The following ANLN variants were observed in gnomAD, a reference collection of about 807,000 sequenced individuals.
ANLN encodes the protein anillin.
In ANLN, 59 loss-of-function variants were observed where a neutral mutation model predicts 135.1. The observed-to-expected ratio is 0.44, with a 90% CI of 0.35 to 0.54. The LOEUF is 0.54. Ranked by LOEUF, ANLN falls within the 20% of genes least tolerant of loss-of-function variation. The probability of loss-of-function intolerance (pLI) is 0.00; values close to 1 mark genes in which losing one functional copy is unlikely to be tolerated. For synonymous variants in ANLN, 406 were observed against 456.4 expected (o/e 0.89, Z 1.41); for missense variants, 1,182 against 1,340.0 (o/e 0.88, Z 1.84).
chr7:36,435,592 GGCCGGGCGCGGTGGCTCAC>G (rs1279775767), intron 20 of ANLN, among the ~76,000 whole-genome samples: 2 of 152,040 alleles, frequency 1.3e-5, no homozygotes, highest in Non-Finnish European at 2.9e-5. Context: ...ATTTATCCAT[GGCCGGGCGCGGTGGCTCAC>G]GCCTGTAATC....
intron 21 of ANLN, among the ~76,000 whole-genome samples, chr7:36,442,842 G>T (rs1363171250): frequency 6.6e-6 from 1 of 151,938 alleles, no homozygotes; most frequent in Non-Finnish European, 1.5e-5. Context: ...GTGTTAGCCA[G>T]GACGGTCTCG....
chr7:36,418,967 G>A (rs2116649328), intron 9 of ANLN, among the ~76,000 whole-genome samples: 1 of 152,146 alleles, frequency 6.6e-6, no homozygotes, highest in African/African-American at 2.4e-5. Context: ...ATGTTGGCCA[G>A]ACTTGTCTTG....
Position 36,431,548 on chromosome 7 carries a change from TA to T in ANLN, c.2883+4521del, listed in dbSNP as rs1293694541. 1.5e-3 allele frequency among the ~76,000 whole-genome samples: 191 copies of T among 128,450 alleles called. 1 individual carries two copies. The highest frequency in any genetic ancestry group is 5.4e-3 in the African/African-American group (178 of 33,008). 84.3% of individuals were successfully genotyped at this position (128,450 alleles called of 152,430 possible). A position where few individuals can be genotyped will look rare whatever the true frequency, so the allele number is the denominator to read the frequency against. ...TATCTATCATATATATATGTGTGTA[TA>T]TATGTGTGTGTTTGTGTGTGTGTGT... is the stretch of plus-strand genomic sequence containing the variant. On this transcript the variant is annotated intron_variant, in intron 20 of 23. Transcript: ENST00000265748.
chr7:36,390,250 A>C (rs1045376209), intron 1 of ANLN: 99 of 755,706 alleles, frequency 1.3e-4, no homozygotes, highest in Non-Finnish European at 1.9e-4. Flanking sequence ...GGTCCTACAG[A>C]TAAAACTCAG....
intron 1 of ANLN, among the ~76,000 whole-genome samples, chr7:36,393,681 G>T (rs1481313659): frequency 2.0e-5 from 3 of 152,170 alleles, no homozygotes; most frequent in Non-Finnish European, 2.9e-5. Flanking sequence ...CTGTAAACTG[G>T]CCAGAATCAG....
intron 20 of ANLN, among the ~76,000 whole-genome samples, 194 bp from the exon 21 acceptor site, chr7:36,439,010 A>C (rs1788658836): frequency 6.6e-6 from 1 of 152,228 alleles, no homozygotes; most frequent in South Asian, 2.1e-4. Flanking sequence ...GCTTTACCTT[A>C]AATGAATTTA....
chr7:36,396,725 A>G (rs1026923507), intron 2 of ANLN, among the ~76,000 whole-genome samples: 4 of 152,222 alleles, frequency 2.6e-5, no homozygotes, highest in African/African-American at 9.6e-5. Flanking sequence ...TAACATTTAT[A>G]CTTACAGTAG....
At chr7:36,412,474 A>G (rs937665240) in intron 7 of ANLN, among the ~76,000 whole-genome samples, 1 of 151,488 alleles carries the variant, frequency 6.6e-6, no homozygotes, top group Non-Finnish European at 1.5e-5. Flanking sequence ...GATTACAGGC[A>G]TGCGCCACCA....
chr7:36,418,076 C>A (rs752132577), intron 9 of ANLN, among the ~76,000 whole-genome samples: 1 of 152,116 alleles, frequency 6.6e-6, no homozygotes, highest in Non-Finnish European at 1.5e-5. Context: ...GAAATACTTA[C>A]GTTTACTGCT....
Position 36,415,787 on chromosome 7 carries a change from A to G in ANLN, c.1425A>G (p.Lys475=). 1.2e-6 allele frequency: 2 copies of G among 1,605,316 alleles called. No homozygotes were observed. Among genetic ancestry groups the G allele is most frequent in the Admixed American group, 1.7e-5 (1 of 57,828 alleles). The change falls in exon 8 of 24, where the codon AAA becomes AAG. Residue 475 remains lysine, a synonymous_variant. Coordinates refer to ENST00000265748, the MANE Select transcript of ANLN (RefSeq NM_018685.5). ...CTCACTGTCAGAGCACTCCCCTCAA[A>G]AAACACCAAGGTGTTTCAAAAACTC... ...QETHCQSTPL[K]KHQGVSKTQS...
chr7:36,399,776 T>A (rs555656923), intron 3 of ANLN, among the ~76,000 whole-genome samples: 1 of 152,196 alleles, frequency 6.6e-6, no homozygotes, highest in South Asian at 2.1e-4. Flanking sequence ...TATGCAATGC[T>A]GTTCAGTAGG....
At chr7:36,424,665 A>T in intron 16 of ANLN, 21 bp from the exon 17 acceptor site, 1 of 1,607,666 alleles carries the variant, frequency 6.2e-7, no homozygotes, top group Non-Finnish European at 8.5e-7. Flanking sequence ...TAAATTAATT[A>T]TGCTTTGGGT....
intron 7 of ANLN, among the ~76,000 whole-genome samples, chr7:36,411,568 T>A (rs73106326): frequency 0.039 from 5,868 of 152,214 alleles, 146 homozygotes; most frequent in African/African-American, 0.061. Context: ...ACCACATACC[T>A]CCCACATTGC....
chr7:36,393,663 A>G (rs1197131583), intron 1 of ANLN, among the ~76,000 whole-genome samples: 1 of 152,200 alleles, frequency 6.6e-6, no homozygotes, highest in Non-Finnish European at 1.5e-5. Context: ...CATTCAAGTG[A>G]GCAGCCTCTG....
intron 4 of ANLN, 64 bp from the exon 5 acceptor site, chr7:36,407,670 T>C: frequency 8.1e-7 from 1 of 1,241,310 alleles, no homozygotes; most frequent in Non-Finnish European, 1.2e-6. Context: ...CTTGAATTGT[T>C]TTGTTATAGG....
intron 18 of ANLN, 103 bp from the exon 19 acceptor site, chr7:36,425,912 T>C (rs2116692238): frequency 8.4e-7 from 1 of 1,184,548 alleles, no homozygotes; most frequent in Non-Finnish European, 1.2e-6. Context: ...TGAAATGTAT[T>C]TCTTATTGTG....
rs1562785202 is a variant in ANLN at position 36,399,072 on chromosome 7, A to C, written c.173-7A>C. 6.3e-7 allele frequency: 1 copy of C among 1,579,010 alleles called. No homozygotes were observed. The highest frequency in any genetic ancestry group is 8.6e-7 in the Non-Finnish European group (1 of 1,162,638). On this transcript the variant is annotated splice_region_variant and splice_polypyrimidine_tract_variant and intron_variant, in intron 2 of 23. Coordinates refer to ENST00000265748, the MANE Select transcript of ANLN (RefSeq NM_018685.5). ...TTGAATGTCTTTTTTCATCGTTTTTAATGTAGAGAAATCTTGTACAAAACC... is the reference window on the plus strand; with the variant it reads ...TTGAATGTCTTTTTTCATCGTTTTTCATGTAGAGAAATCTTGTACAAAACC...
At chr7:36,429,205 T>A (rs949387742) in intron 20 of ANLN, among the ~76,000 whole-genome samples, 1 of 152,016 alleles carries the variant, frequency 6.6e-6, no homozygotes, top group African/African-American at 2.4e-5. Context: ...AATAATATAT[T>A]TTGGAAGACT....
At chr7:36,404,190 G>A (rs191787376) in intron 3 of ANLN, among the ~76,000 whole-genome samples, 3 of 151,858 alleles carry the variant, frequency 2.0e-5, no homozygotes, top group African/African-American at 4.8e-5. Flanking sequence ...GGCTGGTCTC[G>A]AACTCCTGAC....
Sources: gnomAD v4.1 joint callset for allele counts (sites outside exome capture counted in the v4.1 genomes callset) on GRCh38, gnomAD v4.1.1 for gene constraint, MANE v1.5 for transcripts, NCBI Gene and HGNC (gene_info 2026-07-23, HGNC 2026-07-21) for gene names.